Variants in FKTN observed in about 807,000 individuals in gnomAD.
FKTN encodes ribitol-5-phosphate transferase FKTN.
FKTN carries 47 observed loss-of-function variants against 58.6 expected under a neutral mutation model. The ratio of observed to expected loss-of-function variants is 0.80; its 90% CI spans 0.63 to 1.02. The LOEUF (loss-of-function observed/expected upper bound fraction) is 1.02, where lower values mean the gene tolerates loss of function less well. Among genes scored for constraint, FKTN ranks in the 50% least tolerant of loss-of-function variants. The probability of loss-of-function intolerance (pLI) is 0.00; values close to 1 mark genes in which losing one functional copy is unlikely to be tolerated. For synonymous variants in FKTN, 178 were observed against 191.9 expected (o/e 0.93, Z 0.60); for missense variants, 516 against 537.3 (o/e 0.96, Z 0.39).
intron 1 of FKTN, among the ~76,000 whole-genome samples, chr9:105,561,620 T>C (rs1437726055): frequency 2.0e-5 from 3 of 152,224 alleles, no homozygotes; most frequent in African/African-American, 7.2e-5. Flanking sequence ...ACTATGTATT[T>C]ATGATTTTTC....
At chr9:105,596,844 A>G in intron 4 of FKTN, 187 bp downstream of exon 4, 1 of 602,144 alleles carries the variant, frequency 1.7e-6, no homozygotes, top group South Asian at 2.0e-5. Context: ...TTTAGTCCCT[A>G]TAGAAAGTTT....
At chr9:105,575,206 C>T in intron 3 of FKTN, 69 bp downstream of exon 3, 3 of 894,398 alleles carry the variant, frequency 3.4e-6, no homozygotes, top group Non-Finnish European at 5.7e-6. Context: ...TCACACTTCT[C>T]TTTGCAATAC....
chr9:105,564,360 A>G (rs1004541009), intron 1 of FKTN, among the ~76,000 whole-genome samples: 1 of 152,258 alleles, frequency 6.6e-6, no homozygotes, highest in African/African-American at 2.4e-5. Context: ...GAGCTAAAGG[A>G]GGAAGTTCAA....
chr9:105,607,763 T>G (rs1829166620), intron 6 of FKTN, 56 bp from the exon 7 acceptor site: 1 of 1,516,620 alleles, frequency 6.6e-7, no homozygotes, highest in Non-Finnish European at 9.2e-7. Flanking sequence ...TGTCCTAATG[T>G]TCTCCCTCCC....
rs117283748 is a variant in FKTN, at chr9:105,637,107, A to T, written c.*1843A>T. 136 of 986,944 alleles carry T rather than the reference A, an allele frequency of 1.4e-4. 2 individuals carry two copies. The East Asian group carries it at 0.013, about 97-fold the overall frequency. The allele number at this position is 986,944 out of a possible 1,614,324, so 61.1% of individuals were successfully genotyped here. Reference sequence around the variant, plus strand: ...ATAGCTGACCCTAAATTCATTTTTCATGCTTAAAAATAATAGAACAAATAA... The same window carrying T: ...ATAGCTGACCCTAAATTCATTTTTCTTGCTTAAAAATAATAGAACAAATAA... On this transcript the variant is annotated 3_prime_UTR_variant, in exon 11 of 11. Transcript: ENST00000357998.
At chr9:105,627,719 ATCT>A (rs1342825994) in intron 10 of FKTN, among the ~76,000 whole-genome samples, 2 of 151,984 alleles carry the variant, frequency 1.3e-5, no homozygotes, top group African/African-American at 4.8e-5. Context: ...TCTGGAAATA[ATCT>A]TCTCTTCCTC....
At chr9:105,633,438 T>C (rs1833718499) in intron 10 of FKTN, 1 of 152,242 alleles carries the variant, frequency 6.6e-6, no homozygotes, top group South Asian at 2.1e-4. Context: ...TCTGCCTCAA[T>C]TCAACTTCAT....
At chr9:105,585,290 T>C (rs1164509859) in intron 3 of FKTN, among the ~76,000 whole-genome samples, 1 of 152,110 alleles carries the variant, frequency 6.6e-6, no homozygotes, top group Non-Finnish European at 1.5e-5. Flanking sequence ...CTGGTTGTGG[T>C]GGTGCACGCC....
At chr9:105,567,714 G>A (rs1839932810) in intron 1 of FKTN, among the ~76,000 whole-genome samples, 1 of 152,136 alleles carries the variant, frequency 6.6e-6, no homozygotes, top group Non-Finnish European at 1.5e-5. Flanking sequence ...TGGCCATACT[G>A]CCCAAGGTAA....
intron 5 of FKTN, among the ~76,000 whole-genome samples, chr9:105,603,023 G>A (rs1183528126): frequency 6.6e-6 from 1 of 152,152 alleles, no homozygotes; most frequent in African/African-American, 2.4e-5. Flanking sequence ...ACTGGGAGTG[G>A]ACTTTTCTAG....
At chr9:105,584,675 C>T (rs1434702314) in intron 3 of FKTN, among the ~76,000 whole-genome samples, 1 of 152,010 alleles carries the variant, frequency 6.6e-6, no homozygotes, top group Admixed American at 6.6e-5. Flanking sequence ...CAAATATTAG[C>T]CCAGCATGGT....
intron 3 of FKTN, among the ~76,000 whole-genome samples, chr9:105,596,166 T>C (rs1826770665): frequency 6.6e-6 from 1 of 152,206 alleles, no homozygotes; most frequent in African/African-American, 2.4e-5. Flanking sequence ...TATATGGAAG[T>C]GTCAAACACA....
chr9:105,601,033 A>G, intron 4 of FKTN, 112 bp from the exon 5 acceptor site: 1 of 677,712 alleles, frequency 1.5e-6, no homozygotes, highest in Non-Finnish European at 2.6e-6. Flanking sequence ...TAAGCATGGT[A>G]TCTATTGGGT....
At chr9:105,599,977 A>G (rs1317851824) in intron 4 of FKTN, among the ~76,000 whole-genome samples, 1 of 151,774 alleles carries the variant, frequency 6.6e-6, no homozygotes, top group Non-Finnish European at 1.5e-5. Flanking sequence ...TTTTCCTAAC[A>G]AATTCAGTTT....
chr9:105,586,159 A>C (rs1053932069), intron 3 of FKTN, among the ~76,000 whole-genome samples: 1 of 152,230 alleles, frequency 6.6e-6, no homozygotes, highest in Non-Finnish European at 1.5e-5. Context: ...AGACAAGCCT[A>C]GCTTTTCTAT....
intron 3 of FKTN, among the ~76,000 whole-genome samples, chr9:105,595,782 A>G (rs1280310965): frequency 6.6e-6 from 1 of 152,146 alleles, no homozygotes; most frequent in African/African-American, 2.4e-5. Flanking sequence ...CTTGGAGCAC[A>G]TTTCATTTTT....
intron 1 of FKTN, among the ~76,000 whole-genome samples, chr9:105,572,928 A>G (rs1841001781): frequency 6.6e-6 from 1 of 152,154 alleles, no homozygotes; most frequent in Admixed American, 6.6e-5. Flanking sequence ...CGTAAATTAT[A>G]TTCCCGTTTA....
chr9:105,573,956 CT>C (rs1168848635), intron 2 of FKTN, among the ~76,000 whole-genome samples: 1 of 152,072 alleles, frequency 6.6e-6, no homozygotes, highest in Non-Finnish European at 1.5e-5. Flanking sequence ...AGTGGTACCC[CT>C]AAGTTCTTTT....
At position 105,604,483 on chromosome 9, in the gene FKTN, C is replaced by T. The variant is rs774612427; in HGVS notation, c.638C>T (p.Ala213Val). Residue 213 changes from alanine (A) to valine (V), a missense_variant, in exon 6 of 11, where the codon GCT (alanine) becomes GTT (valine). Ala to Val is a moderately conservative substitution (Grantham distance 64). Transcript: ENST00000357998. ...RKLQFGRYPGAFDRPELQQVT... is the reference protein window; with the variant it reads ...RKLQFGRYPGVFDRPELQQVT... ...TTACAGTTTGGTCGTTATCCAGGAG[C>T]TTTTGACAGGTAAGTTCAGAGTCAA... is the stretch of plus-strand genomic sequence containing the variant. 1 of 1,613,730 alleles carries T rather than the reference C, an allele frequency of 6.2e-7. No homozygotes were observed. The highest frequency in any genetic ancestry group is 1.1e-5 in the South Asian group (1 of 91,030).
Sources: allele counts gnomAD v4.1 joint callset (sites outside exome capture counted in the v4.1 genomes callset), GRCh38; gene constraint gnomAD v4.1.1; transcripts MANE v1.5; gene names NCBI Gene and HGNC (gene_info 2026-07-23, HGNC 2026-07-21).